GPER1: variants seen among roughly 807,000 people sequenced by gnomAD.
GPER1 encodes G protein-coupled estrogen receptor 1, also known as G protein-coupled receptor 30.
In GPER1, 2 loss-of-function variants were observed where a neutral mutation model predicts 0.6. The ratio of observed to expected loss-of-function variants is 3.41; its 90% CI spans 1.39 to 10.72. The LOEUF is 10.72. Among genes scored for constraint, GPER1 ranks in the 30% most tolerant of loss-of-function variants. GPER1 has a pLI of 0.04. For missense variants in GPER1, 441 were observed against 535.2 expected (o/e 0.82, Z 1.74); for synonymous variants, 263 against 247.6 (o/e 1.06, Z -0.58).
rs1201802110 is a variant in GPER1 at position 1,093,162 on chromosome 7, C to T, written c.*306C>T. ...TCCCCGCCAACCCTGCCTGCCGCTG[C>T]ACCTGCCTGCCGCTGCAGGAAACAT... On this transcript the variant is annotated 3_prime_UTR_variant, in exon 2 of 2. Coordinates refer to ENST00000397088, the MANE Select transcript of GPER1 (RefSeq NM_001098201.3). The T allele has an allele frequency of 3.4e-6, 2 of 585,680 alleles. No individual in the cohort carries two copies. Among genetic ancestry groups the T allele is most frequent in the African/African-American group, 1.8e-5 (1 of 54,226 alleles). The allele number at this position is 585,680 out of a possible 1,614,324, so 36.3% of individuals were successfully genotyped here.
Position 1,088,544 on chromosome 7 carries a change from G to A in GPER1, c.-323+223G>A, listed in dbSNP as rs145904696. On this transcript the variant is annotated intron_variant, in intron 1 of 1. Coordinates refer to ENST00000397088, the MANE Select transcript of GPER1 (RefSeq NM_001098201.3). The surrounding 1 kb of genome is among the most constrained non-coding windows in gnomAD (Gnocchi z 4.5). ...ACCGCAGCAGGGGCTTTGCCTGGAC[G>A]GCCTTTCTAACTCGTGCTGAAAGCA... 0.021 allele frequency among the ~76,000 whole-genome samples: 3,244 copies of A among 152,228 alleles called. 59 individuals carry two copies. The highest frequency in any genetic ancestry group is 0.075 in the Middle Eastern group (22 of 294).
rs767048392 is a variant in GPER1, at chr7:1,092,628, T to C, written c.900T>C (p.His300=). Reference sequence around the variant, plus strand: ...CTCCCTGCAAGCAGTCTTTCCGCCATGCCCACCCCCTCACGGGCCACATTG... The same window carrying C: ...CTCCCTGCAAGCAGTCTTTCCGCCACGCCCACCCCCTCACGGGCCACATTG... ...GAAPCKQSFR[H]AHPLTGHIVN... Residue 300 remains histidine, a synonymous_variant, in exon 2 of 2, where the codon CAT becomes CAC. Transcript: ENST00000397088. 4 of 1,612,510 alleles carry C rather than the reference T, an allele frequency of 2.5e-6. No homozygotes were observed. The highest frequency in any genetic ancestry group is 3.3e-5 in the Admixed American group (2 of 60,016).
rs1788093050 is a variant in GPER1, at chr7:1,092,431, T to G, written c.703T>G (p.Ser235Ala). The G allele has an allele frequency of 6.2e-7, 1 of 1,608,618 alleles. No homozygotes were observed. Among genetic ancestry groups the G allele is most frequent in the African/African-American group, 1.3e-5 (1 of 74,910 alleles). Reference sequence around the variant, plus strand: ...CTTCGCCATCATCGGCCTGTGCTACTCCCTCATTGTCCGGGTGCTGGTCAG... The same window carrying G: ...CTTCGCCATCATCGGCCTGTGCTACGCCCTCATTGTCCGGGTGCTGGTCAG... ...VPFAIIGLCY[S>A]LIVRVLVRAH... Residue 235 changes from serine (S) to alanine (A), a missense_variant, in exon 2 of 2, where the codon TCC becomes GCC. Ser to Ala is a moderately conservative substitution (Grantham distance 99, BLOSUM62 1). Transcript: ENST00000397088.
Position 1,088,402 on chromosome 7 carries a change from G to A in GPER1, c.-323+81G>A, listed in dbSNP as rs548762507. The A allele has an allele frequency of 6.6e-6, 1 of 152,362 alleles. No individual in the cohort carries two copies. Among genetic ancestry groups the A allele is most frequent in the African/African-American group, 2.4e-5 (1 of 41,504 alleles). 9.4% of individuals were successfully genotyped at this position (152,362 alleles called of 1,614,324 possible). A position where few individuals can be genotyped will look rare whatever the true frequency, so the allele number is the denominator to read the frequency against. On this transcript the variant is annotated intron_variant, in intron 1 of 1. Transcript: ENST00000397088. This position sits in a 1 kb window ranked among gnomAD's most constrained non-coding sequence, Gnocchi z 4.5. ...GTGGTGCCACCCAGGCCGCTGTCCT[G>A]TTATGGGAACAGCTGAACACAGACC...
chr7:1,093,201 G>A lies in GPER1; in HGVS notation c.*345G>A, dbSNP rs537081392. On this transcript the variant is annotated 3_prime_UTR_variant, in exon 2 of 2. Coordinates refer to ENST00000397088, the MANE Select transcript of GPER1 (RefSeq NM_001098201.3). Reference sequence around the variant, plus strand: ...TGCAGGAAACATTTCTGACACCGTCGACCAGGAAAGCCACACGGAGAGGCC... The same window carrying A: ...TGCAGGAAACATTTCTGACACCGTCAACCAGGAAAGCCACACGGAGAGGCC... The A allele has an allele frequency of 7.7e-5, 40 of 517,180 alleles. No individual in the cohort carries two copies. Among genetic ancestry groups the A allele is most frequent in the African/African-American group, 4.6e-4 (24 of 52,048 alleles). The allele number at this position is 517,180 out of a possible 1,614,324, so 32.0% of individuals were successfully genotyped here.
rs372252532 is a variant in GPER1 at position 1,092,744 on chromosome 7, T to C, written c.1016T>C (p.Ile339Thr). ...TTCAGGGACAAGCTGAGGCTGTACA[T>C]TGAGCAGAAAACAAATTTGCCGGCC... ...ETFRDKLRLY[I>T]EQKTNLPALN... The change falls in exon 2 of 2, where the codon ATT becomes ACT. Residue 339 changes from isoleucine (I) to threonine (T), a missense_variant. Ile to Thr is a moderately conservative substitution (Grantham distance 89). Coordinates refer to ENST00000397088, the MANE Select transcript of GPER1 (RefSeq NM_001098201.3). The C allele has an allele frequency of 1.1e-5, 18 of 1,613,518 alleles. No homozygotes were observed. The highest frequency in any genetic ancestry group is 2.2e-5 in the East Asian group (1 of 44,880).
chr7:1,090,425 G>A (rs994995361), intron 1 of GPER1, among the ~76,000 whole-genome samples: 5 of 150,328 alleles, frequency 3.3e-5, no homozygotes, highest in East Asian at 2.0e-4. Flanking sequence ...GGGGTGACAC[G>A]GGGCAGGTGA....
chr7:1,093,068 G>A lies in GPER1; in HGVS notation c.*212G>A, dbSNP rs1219217823. On this transcript the variant is annotated 3_prime_UTR_variant, in exon 2 of 2. Transcript: ENST00000397088. ...CACCTTGCACTCCTCACACAGAATT[G>A]CTACAATCCCAAAGCGCTCGCCCCG... 1 of 705,240 alleles carries A rather than the reference G, an allele frequency of 1.4e-6. No homozygotes were observed. The highest frequency in any genetic ancestry group is 1.8e-5 in the African/African-American group (1 of 57,118). The allele number at this position is 705,240 out of a possible 1,614,324, so 43.7% of individuals were successfully genotyped here. A position where few individuals can be genotyped will look rare whatever the true frequency, so the allele number is the denominator to read the frequency against.
chr7:1,092,444 G>A lies in GPER1; in HGVS notation c.716G>A (p.Arg239Gln), dbSNP rs753789231. ...GGCCTGTGCTACTCCCTCATTGTCC[G>A]GGTGCTGGTCAGGGCGCACCGGCAC... ...IIGLCYSLIVRVLVRAHRHRG... is the reference protein window; with the variant it reads ...IIGLCYSLIVQVLVRAHRHRG... Residue 239 changes from arginine (R) to glutamine (Q), a missense_variant, in exon 2 of 2, where the codon CGG becomes CAG. Physicochemically the swap from Arg to Gln is conservative, Grantham distance 43. Transcript: ENST00000397088. The A allele has an allele frequency of 4.4e-6, 7 of 1,607,952 alleles. No homozygotes were observed. Among genetic ancestry groups the A allele is most frequent in the East Asian group, 2.2e-5 (1 of 44,828 alleles).
rs1349355141 is a variant in GPER1 at position 1,093,641 on chromosome 7, G to T, written c.*785G>T. ...GCGAGCTGCCGTGTGGGTTAGTCGGGTGCCAGGACAATGAAATACTCCAGC... is the reference window on the plus strand; with the variant it reads ...GCGAGCTGCCGTGTGGGTTAGTCGGTTGCCAGGACAATGAAATACTCCAGC... On this transcript the variant is annotated 3_prime_UTR_variant, in exon 2 of 2. Coordinates refer to ENST00000397088, the MANE Select transcript of GPER1 (RefSeq NM_001098201.3). The T allele has an allele frequency of 5.5e-5, 26 of 471,172 alleles. No homozygotes were observed. Among genetic ancestry groups the T allele is most frequent in the Non-Finnish European group, 1.1e-4 (26 of 227,094 alleles). 29.2% of individuals were successfully genotyped at this position (471,172 alleles called of 1,614,324 possible).
chr7:1,092,353 G>A lies in GPER1; in HGVS notation c.625G>A (p.Ala209Thr). The A allele has an allele frequency of 6.2e-7, 1 of 1,611,110 alleles. No individual in the cohort carries two copies. The highest frequency in any genetic ancestry group is 8.5e-7 in the Non-Finnish European group (1 of 1,179,250). Reference sequence around the variant, plus strand: ...CACCGACGAGGCCTGCTTCTGTTTCGCGGATGTCCGGGAGGTGCAGTGGCT... The same window carrying A: ...CACCGACGAGGCCTGCTTCTGTTTCACGGATGTCCGGGAGGTGCAGTGGCT... ...QHTDEACFCF[A>T]DVREVQWLEV... The change falls in exon 2 of 2, where the codon GCG (alanine) becomes ACG (threonine). Residue 209 changes from alanine (A) to threonine (T), a missense_variant. Coordinates refer to ENST00000397088, the MANE Select transcript of GPER1 (RefSeq NM_001098201.3).
Position 1,092,463 on chromosome 7 carries a change from C to A in GPER1, c.735C>A (p.His245Gln). 2 of 1,608,114 alleles carry A rather than the reference C, an allele frequency of 1.2e-6. No individual in the cohort carries two copies. Among genetic ancestry groups the A allele is most frequent in the East Asian group, 2.2e-5 (1 of 44,860 alleles). ...TTGTCCGGGTGCTGGTCAGGGCGCA[C>A]CGGCACCGTGGGCTGCGGCCCCGGC... ...SLIVRVLVRA[H>Q]RHRGLRPRRQ... Residue 245 changes from histidine to glutamine, a missense_variant, in exon 2 of 2, where the codon CAC (histidine) becomes CAA (glutamine). By Grantham distance (24) the His-to-Gln change is conservative. Transcript: ENST00000397088.
At position 1,092,821 on chromosome 7, in the gene GPER1, G is replaced by C; in HGVS notation, c.1093G>C (p.Glu365Gln). Residue 365 changes from glutamate to glutamine, a missense_variant, in exon 2 of 2, where the codon GAG (glutamate) becomes CAG (glutamine). By Grantham distance (29) the Glu-to-Gln change is conservative. Coordinates refer to ENST00000397088, the MANE Select transcript of GPER1 (RefSeq NM_001098201.3). The stretch of plus-strand genomic sequence containing the variant: ...GAAGGCCGTCATTCCAGACAGCACC[G>C]AGCAGTCGGATGTGAGGTTCAGCAG... ...ALKAVIPDST[E>Q]QSDVRFSSAV 2 of 1,613,224 alleles carry C rather than the reference G, an allele frequency of 1.2e-6. No homozygotes were observed. The highest frequency in any genetic ancestry group is 2.7e-5 in the African/African-American group (2 of 75,046).
rs748219734 is a variant in GPER1, at chr7:1,093,351, C to T, written c.*495C>T. 1.2e-5 allele frequency: 5 copies of T among 424,394 alleles called. No individual in the cohort carries two copies. The highest frequency in any genetic ancestry group is 2.0e-5 in the Non-Finnish European group (4 of 200,730). The allele number at this position is 424,394 out of a possible 1,614,324, so 26.3% of individuals were successfully genotyped here. A position where few individuals can be genotyped will look rare whatever the true frequency, so the allele number is the denominator to read the frequency against. On this transcript the variant is annotated 3_prime_UTR_variant, in exon 2 of 2. Transcript: ENST00000397088. ...TGGACGTCGCGGTGTGTCCTCTGTG[C>T]CCACGGTCTGAGCTAGCTAGCGCAC...
chr7:1,089,595 C>G (rs1474555771), intron 1 of GPER1, among the ~76,000 whole-genome samples: 1 of 151,520 alleles, frequency 6.6e-6, no homozygotes, highest in Non-Finnish European at 1.5e-5. Context: ...CTTTTTTTGT[C>G]TTTTTTTAGT....
In GPER1 at chr7:1,091,665, C is replaced by A; in HGVS notation, c.-64C>A. ...TCACGCTTCTTTCTAAAGATGGATT[C>A]ACCATTTAAAACAGAGCTCTGGGAG... On this transcript the variant is annotated 5_prime_UTR_variant, in exon 2 of 2. An upstream open reading frame in the 5' UTR gains an earlier in-frame stop. Transcript: ENST00000397088. The A allele has an allele frequency of 8.6e-7, 1 of 1,157,368 alleles. No homozygotes were observed. The highest frequency in any genetic ancestry group is 1.2e-6 in the Non-Finnish European group (1 of 809,502). 71.7% of individuals were successfully genotyped at this position (1,157,368 alleles called of 1,614,324 possible).
rs1042332309 is a variant in GPER1 at position 1,093,417 on chromosome 7, G to A, written c.*561G>A. On this transcript the variant is annotated 3_prime_UTR_variant, in exon 2 of 2. Transcript: ENST00000397088. ...GAGAAGGAAAACATGCTGCTCTGGT[G>A]CACGCCTGAGCGTCCTCCATCTTCC... The A allele has an allele frequency of 6.5e-6, 3 of 460,382 alleles. 1 individual carries two copies. Among genetic ancestry groups the A allele is most frequent in the South Asian group, 3.1e-5 (2 of 64,142 alleles). 28.5% of individuals were successfully genotyped at this position (460,382 alleles called of 1,614,324 possible).
chr7:1,090,648 C>T (rs992659088), intron 1 of GPER1, among the ~76,000 whole-genome samples: 7 of 152,188 alleles, frequency 4.6e-5, no homozygotes, highest in Non-Finnish European at 1.0e-4. Flanking sequence ...TCCCCACTGG[C>T]GGCAGAGCCC....
chr7:1,090,114 T>C (rs1364764361), intron 1 of GPER1, among the ~76,000 whole-genome samples: 2 of 150,558 alleles, frequency 1.3e-5, no homozygotes, highest in South Asian at 2.1e-4. Context: ...TTTCAAAAGG[T>C]AAAATGAAAA....
Sources: gnomAD v4.1 joint callset for allele counts (sites outside exome capture counted in the v4.1 genomes callset) on GRCh38, gnomAD v4.1.1 for gene constraint, Gnocchi (gnomAD v3.1) non-coding constraint, MANE v1.5 for transcripts, NCBI Gene and HGNC (gene_info 2026-07-23, HGNC 2026-07-21) for gene names.